Variants in DNAAF11 observed in about 807,000 individuals in gnomAD.
The protein encoded by DNAAF11 is dynein axonemal assembly factor 11.
In DNAAF11, 45 loss-of-function variants were observed where a neutral mutation model predicts 60.8. The observed-to-expected ratio is 0.74, with a 90% CI of 0.58 to 0.95. The LOEUF is 0.95. DNAAF11 is among the 40% of genes least tolerant of loss of function. The probability of loss-of-function intolerance (pLI) is 0.00; values close to 1 mark genes in which losing one functional copy is unlikely to be tolerated. For synonymous variants in DNAAF11, 191 were observed against 183.5 expected (o/e 1.04, Z -0.33); for missense variants, 546 against 546.2 (o/e 1.00, Z 0.00).
At chr8:132,589,644 T>G (rs1034989784) in intron 10 of DNAAF11, among the ~76,000 whole-genome samples, 2 of 152,212 alleles carry the variant, frequency 1.3e-5, no homozygotes, top group African/African-American at 4.8e-5. Context: ...CACACAATCC[T>G]ATTGGGAAAC....
Position 132,611,283 on chromosome 8 carries a change from G to A in DNAAF11, c.1044+11C>T, listed in dbSNP as rs1261798280. The A allele has an allele frequency of 1.3e-6, 2 of 1,594,982 alleles. No homozygotes were observed. The highest frequency in any genetic ancestry group is 2.2e-5 in the East Asian group (1 of 44,758). On this transcript the variant is annotated intron_variant, in intron 9 of 11. Coordinates refer to ENST00000620350, the MANE Select transcript of DNAAF11 (RefSeq NM_012472.6). ...TTTTGAAATTGTAATAGCCTACAGGGTTCTACTTACCTTTCCTTTGATCAT... is the reference window on the plus strand; with the variant it reads ...TTTTGAAATTGTAATAGCCTACAGGATTCTACTTACCTTTCCTTTGATCAT...
At chr8:132,700,420 T>C in the DNAAF11 span, among the ~76,000 whole-genome samples, 10 of 151,052 alleles carry the variant, frequency 6.6e-5, no homozygotes, top group Non-Finnish European at 1.5e-4. Flanking sequence ...TGTTAATGAA[T>C]AACATGTGTA....
the DNAAF11 span, among the ~76,000 whole-genome samples, chr8:132,694,531 A>T: frequency 6.6e-6 from 1 of 152,336 alleles, no homozygotes; most frequent in Admixed American, 6.5e-5. Flanking sequence ...TTGTTGTTTA[A>T]GCCACTCAGT....
chr8:132,697,696 T>C, the DNAAF11 span, among the ~76,000 whole-genome samples: 1 of 151,938 alleles, frequency 6.6e-6, no homozygotes, highest in Non-Finnish European at 1.5e-5. Flanking sequence ...TCAATGTGTA[T>C]GTGGAGCTCA....
At chr8:132,631,814 A>G (rs1345875830) in intron 5 of DNAAF11, among the ~76,000 whole-genome samples, 3 of 152,096 alleles carry the variant, frequency 2.0e-5, no homozygotes, top group East Asian at 1.9e-4. Flanking sequence ...GAATTGAACA[A>G]TGAGAACACA....
chr8:132,684,306 T>C, the DNAAF11 span, among the ~76,000 whole-genome samples: 88,496 of 152,056 alleles, frequency 0.58, 28,111 homozygotes, highest in African/African-American at 0.86. Context: ...TGAAGAGATA[T>C]ATGGGATAGA....
At chr8:132,588,435 C>T (rs77024390) in intron 10 of DNAAF11, among the ~76,000 whole-genome samples, 1 of 152,282 alleles carries the variant, frequency 6.6e-6, no homozygotes, top group East Asian at 1.9e-4. Flanking sequence ...CTATTACCTC[C>T]ATTAAATCTG....
At chr8:132,651,330 A>C (rs1262000524) in intron 3 of DNAAF11, among the ~76,000 whole-genome samples, 2 of 151,992 alleles carry the variant, frequency 1.3e-5, no homozygotes, top group African/African-American at 4.8e-5. Context: ...AAAAACAGTA[A>C]AAAGCAAAAC....
chr8:132,610,745 A>G (rs1818576830), intron 9 of DNAAF11, among the ~76,000 whole-genome samples: 1 of 152,190 alleles, frequency 6.6e-6, no homozygotes, highest in South Asian at 2.1e-4. Flanking sequence ...CACAATAGAC[A>G]CAGGTTTAAA....
At chr8:132,694,688 C>A in the DNAAF11 span, among the ~76,000 whole-genome samples, 1 of 152,178 alleles carries the variant, frequency 6.6e-6, no homozygotes, top group Non-Finnish European at 1.5e-5. Context: ...GAAGTGGGAA[C>A]TACAAACTCT....
chr8:132,629,339 C>CTTTT (rs202230443), intron 5 of DNAAF11, among the ~76,000 whole-genome samples: 1 of 147,504 alleles, frequency 6.8e-6, no homozygotes, highest in Non-Finnish European at 1.5e-5. Flanking sequence ...GATACCCATT[C>CTTTT]TCTTTTTTTT....
chr8:132,666,451 A>G (rs1210625352), intron 1 of DNAAF11, among the ~76,000 whole-genome samples: 5 of 152,182 alleles, frequency 3.3e-5, no homozygotes, highest in African/African-American at 1.2e-4. Flanking sequence ...TAAAAAGTAA[A>G]AAAAAAGATA....
chr8:132,686,413 T>A, the DNAAF11 span, among the ~76,000 whole-genome samples: 2 of 152,186 alleles, frequency 1.3e-5, no homozygotes, highest in Non-Finnish European at 2.9e-5. Context: ...GGATGGGACA[T>A]CTTTACATGG....
At chr8:132,695,558 C>T in the DNAAF11 span, among the ~76,000 whole-genome samples, 10 of 152,096 alleles carry the variant, frequency 6.6e-5, no homozygotes, top group Middle Eastern at 6.8e-3. Context: ...AAAATAGAAA[C>T]GAAGGACATC....
chr8:132,671,360 A>G lies in DNAAF11; in HGVS notation c.10+4124T>C, dbSNP rs1019225628. 2.0e-5 allele frequency among the ~76,000 whole-genome samples: 3 copies of G among 152,230 alleles called. No homozygotes were observed. In the South Asian group the frequency reaches 6.2e-4, roughly 32 times the overall value. On this transcript the variant is annotated intron_variant, in intron 1 of 11. Coordinates refer to ENST00000620350, the MANE Select transcript of DNAAF11 (RefSeq NM_012472.6). Reference sequence around the variant, plus strand: ...CAAAGTCTGTCCATTGAAAACTTCAAAAATATTGTAGACATTTTGTAATAT... The same window carrying G: ...CAAAGTCTGTCCATTGAAAACTTCAGAAATATTGTAGACATTTTGTAATAT...
chr8:132,678,091 G>A (rs1376752268), upstream of DNAAF11, among the ~76,000 whole-genome samples: 1 of 149,816 alleles, frequency 6.7e-6, no homozygotes, highest in East Asian at 1.9e-4. Flanking sequence ...AAGATTGAGA[G>A]TTTAAGAGTG....
At chr8:132,676,703 T>C (rs1825772319), upstream of DNAAF11, among the ~76,000 whole-genome samples, 1 of 151,808 alleles carries the variant, frequency 6.6e-6, no homozygotes, top group South Asian at 2.1e-4. Context: ...AGTGAGGTGA[T>C]GGGGGGAAGC....
chr8:132,693,493 T>C, the DNAAF11 span, among the ~76,000 whole-genome samples: 6 of 152,014 alleles, frequency 3.9e-5, no homozygotes, highest in South Asian at 1.0e-3. Context: ...TACATAGTTA[T>C]ACTAGGTACT....
At chr8:132,633,899 G>A (rs1821044291) in intron 4 of DNAAF11, among the ~76,000 whole-genome samples, 1 of 152,122 alleles carries the variant, frequency 6.6e-6, no homozygotes, top group Non-Finnish European at 1.5e-5. Context: ...CCTGAAGAAA[G>A]AATAACCCTG....
Sources: allele counts gnomAD v4.1 joint callset (sites outside exome capture counted in the v4.1 genomes callset), GRCh38; gene constraint gnomAD v4.1.1; transcripts MANE v1.5; gene names NCBI Gene and HGNC (gene_info 2026-07-23, HGNC 2026-07-21).